Variants in HELZ observed in about 807,000 individuals in gnomAD.
HELZ encodes helicase with zinc finger, also known as ATP-dependent RNA helicase with zinc finger domain.
Under a neutral mutation model 218.2 loss-of-function variants are expected in HELZ, and 23 were observed. The observed-to-expected ratio is 0.11, with a 90% CI of 0.08 to 0.15. The LOEUF is 0.15. Ranked by LOEUF, HELZ falls within the 10% of genes least tolerant of loss-of-function variation. HELZ has a pLI of 1.00. For missense variants in HELZ, 1,813 were observed against 2,353.7 expected, an observed-to-expected ratio of 0.77 and a Z score of 4.75; for synonymous variants, 814 against 829.4, an observed-to-expected ratio of 0.98 and a Z score of 0.32.
intron 8 of HELZ, among the ~76,000 whole-genome samples, chr17:67,194,630 G>A (rs952426996): frequency 6.6e-6 from 1 of 152,156 alleles, no homozygotes; most frequent in African/African-American, 2.4e-5. Flanking sequence ...AATACAATGA[G>A]CTTTGATTTG....
At chr17:67,099,986 T>A (rs1399015456) in intron 31 of HELZ, among the ~76,000 whole-genome samples, 1 of 152,354 alleles carries the variant, frequency 6.6e-6, no homozygotes, top group South Asian at 2.1e-4. Flanking sequence ...GTTTATTAGA[T>A]ATCATACATT....
rs2038617664 is a variant in HELZ, at chr17:67,149,788, G to A, written c.2475+79C>T. 3.9e-6 allele frequency: 3 copies of A among 761,466 alleles called. No homozygotes were observed. The East Asian group carries it at 8.1e-5, about 21-fold the overall frequency. 47.2% of individuals were successfully genotyped at this position (761,466 alleles called of 1,614,324 possible). ...TATAATGCATGGCATAATGTCATAG[G>A]ATGTTTTAGAAATAGAATATTAAAC... On this transcript the variant is annotated intron_variant, in intron 19 of 32. Transcript: ENST00000358691.
At chr17:67,145,661 C>A in intron 21 of HELZ, 82 bp downstream of exon 21, 1 of 1,162,630 alleles carries the variant, frequency 8.6e-7, no homozygotes, top group South Asian at 1.4e-5. Flanking sequence ...CAATGTCAAC[C>A]CAAAACTTTA....
chr17:67,191,605 C>G (rs1264314717), intron 9 of HELZ, among the ~76,000 whole-genome samples: 1 of 151,844 alleles, frequency 6.6e-6, no homozygotes, highest in Non-Finnish European at 1.5e-5. Flanking sequence ...GTGCCTGCCA[C>G]CACAATGCCC....
intron 23 of HELZ, among the ~76,000 whole-genome samples, chr17:67,134,008 T>C (rs1416472395): frequency 6.6e-6 from 1 of 152,190 alleles, no homozygotes; most frequent in Non-Finnish European, 1.5e-5. Flanking sequence ...TAAAGTAATA[T>C]AAAGTAAAAT....
intron 2 of HELZ, among the ~76,000 whole-genome samples, chr17:67,242,111 G>A (rs749046098): frequency 1.3e-5 from 2 of 152,152 alleles, no homozygotes; most frequent in African/African-American, 2.4e-5. Flanking sequence ...AAAATTATCT[G>A]TAGGCTTCAA....
intron 12 of HELZ, among the ~76,000 whole-genome samples, chr17:67,181,522 C>T (rs2039612588): frequency 2.0e-5 from 3 of 152,106 alleles, no homozygotes; most frequent in African/African-American, 7.2e-5. Context: ...ATCACACATA[C>T]TTCATAAATG....
chr17:67,201,373 A>G (rs1196129093), intron 6 of HELZ, among the ~76,000 whole-genome samples, 188 bp from the exon 7 acceptor site: 1 of 152,228 alleles, frequency 6.6e-6, no homozygotes, highest in Admixed American at 6.5e-5. Flanking sequence ...TAAAAGGTTA[A>G]CAGGAAAAAC....
At chr17:67,126,150 AAACC>A (rs1345660693) in intron 24 of HELZ, among the ~76,000 whole-genome samples, 1 of 152,192 alleles carries the variant, frequency 6.6e-6, no homozygotes, top group Non-Finnish European at 1.5e-5. Flanking sequence ...CAGAGCAAAG[AAACC>A]AACCAAGCCA....
chr17:67,235,389 C>T (rs1287159022), intron 3 of HELZ, among the ~76,000 whole-genome samples: 1 of 151,996 alleles, frequency 6.6e-6, no homozygotes, highest in Non-Finnish European at 1.5e-5. Context: ...CCTGTAATCC[C>T]AGATACTCAG....
intron 5 of HELZ, among the ~76,000 whole-genome samples, chr17:67,209,215 C>T (rs753002901): frequency 6.6e-6 from 1 of 151,704 alleles, no homozygotes; most frequent in Non-Finnish European, 1.5e-5. Context: ...GATCCTGAGG[C>T]ACAATCTTTT....
chr17:67,084,571 A>G (rs1052507325), intron 32 of HELZ, among the ~76,000 whole-genome samples: 2 of 151,450 alleles, frequency 1.3e-5, no homozygotes, highest in Non-Finnish European at 2.9e-5. Context: ...GCTGAGGCAG[A>G]AGAATGACGT....
chr17:67,244,457 A>C, intron 1 of HELZ: 2 of 266,816 alleles, frequency 7.5e-6, no homozygotes, highest in Non-Finnish European at 1.2e-5. Context: ...TCCCTAGGTA[A>C]GACTGCAGTC....
chr17:67,100,282 G>C (rs1414361260), intron 31 of HELZ, among the ~76,000 whole-genome samples: 1 of 152,176 alleles, frequency 6.6e-6, no homozygotes, highest in Non-Finnish European at 1.5e-5. Flanking sequence ...AAGTGTCTCT[G>C]TTGAAAAACC....
Position 67,122,956 on chromosome 17 carries a change from G to A in HELZ, c.3630+14C>T, listed in dbSNP as rs372911566. The A allele has an allele frequency of 2.4e-5, 37 of 1,560,352 alleles. No homozygotes were observed. Among genetic ancestry groups the A allele is most frequent in the Non-Finnish European group, 2.6e-5 (30 of 1,137,294 alleles). ...TACTTGATTCAATAGAAAGTATTTC[G>A]AATGTCCACTTACAGGTAAAGGCAC... On this transcript the variant is annotated intron_variant, in intron 26 of 32. Coordinates refer to ENST00000358691, the MANE Select transcript of HELZ (RefSeq NM_014877.4).
chr17:67,137,891 A>C (rs2143952731), intron 22 of HELZ, 40 bp downstream of exon 22: 1 of 1,455,838 alleles, frequency 6.9e-7, no homozygotes, highest in East Asian at 2.3e-5. Flanking sequence ...CTTTAGATTT[A>C]AGCATTTGAA....
intron 12 of HELZ, among the ~76,000 whole-genome samples, chr17:67,180,877 CAAA>C (rs1019801835): frequency 4.8e-5 from 2 of 41,898 alleles, no homozygotes; most frequent in Admixed American, 3.0e-4. Flanking sequence ...GACTCCATCT[CAAA>C]AAAAAAAAAA....
At position 67,178,781 on chromosome 17, in the gene HELZ, G is replaced by A. The variant is rs777248774; in HGVS notation, c.1308C>T (p.Leu436=). The change falls in exon 13 of 33, where the codon CTC becomes CTT. Residue 436 remains leucine (L), a synonymous_variant. Coordinates refer to ENST00000358691, the MANE Select transcript of HELZ (RefSeq NM_014877.4). ...KSLLIRYQIP[L]SADQLFTQSV... is the part of the protein sequence containing the mutation. ...ACTGAGTAAATAGCTGGTCAGCAGA[G>A]AGGGGAATTTGGTATCTGATAAGAA... is the stretch of plus-strand genomic sequence containing the variant. 6.2e-7 allele frequency: 1 copy of A among 1,614,002 alleles called. No homozygotes were observed. Among genetic ancestry groups the A allele is most frequent in the South Asian group, 1.1e-5 (1 of 91,076 alleles).
At chr17:67,215,703 T>TA (rs2040581995) in intron 5 of HELZ, 196 bp downstream of exon 5, 2 of 599,334 alleles carry the variant, frequency 3.3e-6, no homozygotes, top group Admixed American at 3.0e-5. Context: ...GACAAGAACT[T>TA]AAACATTCAT....
Sources: gnomAD v4.1 joint callset for allele counts (sites outside exome capture counted in the v4.1 genomes callset) on GRCh38, gnomAD v4.1.1 for gene constraint, MANE v1.5 for transcripts, NCBI Gene and HGNC (gene_info 2026-07-23, HGNC 2026-07-21) for gene names.